TSR1: variants seen among roughly 807,000 people sequenced by gnomAD.
TSR1 encodes TSR1 ribosome maturation factor.
Under a neutral mutation model 90.9 loss-of-function variants are expected in TSR1, and 81 were observed. That is an observed-to-expected ratio of 0.89 (90% CI 0.74 to 1.07). TSR1 has a LOEUF of 1.07. Ranked by LOEUF, TSR1 falls within the 50% of genes least tolerant of loss-of-function variation. TSR1 has a pLI of 0.00. For missense variants in TSR1, 989 were observed against 987.3 expected (o/e 1.00, Z -0.02); for synonymous variants, 362 against 348.8 (o/e 1.04, Z -0.42).
chr17:2,334,417 G>A, intron 5 of TSR1, 55 bp downstream of exon 5: 1 of 1,563,534 alleles, frequency 6.4e-7, no homozygotes, highest in Non-Finnish European at 8.7e-7. Context: ...CTGAATTTAA[G>A]TTTCCTTCCT....
intron 12 of TSR1, 117 bp downstream of exon 12, chr17:2,325,187 G>T: frequency 1.3e-6 from 1 of 771,978 alleles, no homozygotes; most frequent in Non-Finnish European, 2.1e-6. Flanking sequence ...ACTGTATTTT[G>T]AAAACCATCA....
At position 2,330,698 on chromosome 17, in the gene TSR1, A is replaced by G. The variant is rs915160946; in HGVS notation, c.1660-73T>C. 8 of 1,457,786 alleles carry G rather than the reference A, an allele frequency of 5.5e-6. No individual in the cohort carries two copies. In the Admixed American group the frequency reaches 5.9e-5, roughly 11 times the overall value. The allele number at this position is 1,457,786 out of a possible 1,614,324, so 90.3% of individuals were successfully genotyped here. ...CCAATAGCGAGGAAGCTTTCTCCAA[A>G]TATGTTGAGTCTCTCAGATAAAATT... On this transcript the variant is annotated intron_variant, in intron 9 of 14. Transcript: ENST00000301364.
At chr17:2,325,846 T>C (rs1207411486) in intron 11 of TSR1, among the ~76,000 whole-genome samples, 1 of 152,112 alleles carries the variant, frequency 6.6e-6, no homozygotes, top group Non-Finnish European at 1.5e-5. Flanking sequence ...CTCCTCACCT[T>C]GTGATCCACC....
At chr17:2,325,054 C>T in intron 12 of TSR1, 1 of 602,382 alleles carries the variant, frequency 1.7e-6, no homozygotes, top group South Asian at 2.4e-5. Flanking sequence ...CATACTTTTT[C>T]TCATCAGTTG....
At position 2,336,107 on chromosome 17, in the gene TSR1, A is replaced by G; in HGVS notation, c.131T>C (p.Val44Ala). The G allele has an allele frequency of 1.2e-6, 2 of 1,613,940 alleles. No homozygotes were observed. Among genetic ancestry groups the G allele is most frequent in the Non-Finnish European group, 1.7e-6 (2 of 1,179,998 alleles). ...RLALKTLSKK[V>A]RKELSRVDQR... ...GTCGACTCTGCTGAGTTCTTTTCTC[A>G]CCTTCTTGCTTAGGGTTTTCAGTGC... Residue 44 changes from valine (V) to alanine (A), a missense_variant, in exon 2 of 15, where the codon GTG becomes GCG. Transcript: ENST00000301364.
rs1293707734 is a variant in TSR1, at chr17:2,323,736, C to G, written c.*460G>C. On this transcript the variant is annotated 3_prime_UTR_variant, in exon 15 of 15. Coordinates refer to ENST00000301364, the MANE Select transcript of TSR1 (RefSeq NM_018128.5). ...TGTTGGAGTGGCTGCTGTGCTGTCT[C>G]AACATTTTCAAACTGTTTCCCCAGA... 1.2e-6 allele frequency: 2 copies of G among 1,614,036 alleles called. No homozygotes were observed. The highest frequency in any genetic ancestry group is 1.7e-6 in the Non-Finnish European group (2 of 1,180,038).
chr17:2,334,537 C>T lies in TSR1; in HGVS notation c.916G>A (p.Gly306Arg), dbSNP rs377153477. The change falls in exon 5 of 15, where the codon GGA becomes AGA. Residue 306 changes from glycine to arginine, a missense_variant. By Grantham distance (125) the Gly-to-Arg change is moderately radical. Transcript: ENST00000301364. ...CTAGGATTTAAAGGGAAAGGGTCTC[C>T]GGGGGCATCTATCTGTTTCATCTGG... ...DFQMKQIDAP[G>R]DPFPLNPRGI... is the part of the protein sequence containing the mutation. 2.2e-5 allele frequency: 35 copies of T among 1,613,946 alleles called. No individual in the cohort carries two copies. Among genetic ancestry groups the T allele is most frequent in the African/African-American group, 1.2e-4 (9 of 74,886 alleles).
Position 2,324,051 on chromosome 17 carries a change from T to C in TSR1, c.*145A>G. 1.6e-6 allele frequency: 2 copies of C among 1,254,842 alleles called. No homozygotes were observed. The highest frequency in any genetic ancestry group is 2.3e-5 in the East Asian group (1 of 42,740). 77.7% of individuals were successfully genotyped at this position (1,254,842 alleles called of 1,614,324 possible). A position where few individuals can be genotyped will look rare whatever the true frequency, so the allele number is the denominator to read the frequency against. Reference sequence around the variant, plus strand: ...AACTTTTATACTTAACTGAGACATTTTGTCAAGGCTAAAAAAAAGTCTTGC... The same window carrying C: ...AACTTTTATACTTAACTGAGACATTCTGTCAAGGCTAAAAAAAAGTCTTGC... On this transcript the variant is annotated 3_prime_UTR_variant, in exon 15 of 15. Coordinates refer to ENST00000301364, the MANE Select transcript of TSR1 (RefSeq NM_018128.5).
In TSR1 at chr17:2,322,677, G is replaced by GT. The variant is rs11334122; in HGVS notation, c.*1518dup. The GT allele has an allele frequency of 0.013, 1,801 of 143,870 alleles. 39 individuals are homozygous for GT. The highest frequency in any genetic ancestry group is 0.04 in the African/African-American group (1,547 of 38,710). The allele number at this position is 143,870 out of a possible 1,614,324, so 8.9% of individuals were successfully genotyped here. ...CACCATGCCTGGCTAGTTTTTTTTTGTTTTTTTTTTTTGTATTTTTAGTAG... is the reference window on the plus strand; with the variant it reads ...CACCATGCCTGGCTAGTTTTTTTTTGTTTTTTTTTTTTTGTATTTTTAGTAG... On this transcript the variant is annotated 3_prime_UTR_variant, in exon 15 of 15. Transcript: ENST00000301364.
At position 2,333,680 on chromosome 17, in the gene TSR1, C is replaced by G. The variant is rs1285394485; in HGVS notation, c.1018G>C (p.Gly340Arg). 1.9e-6 allele frequency: 3 copies of G among 1,614,124 alleles called. No individual in the cohort carries two copies. The South Asian group carries it at 3.3e-5, about 18-fold the overall frequency. Residue 340 changes from glycine to arginine, a missense_variant, in exon 6 of 15, where the codon GGT (glycine) becomes CGT (arginine). Physicochemically the swap from Gly to Arg is moderately radical, Grantham distance 125. Transcript: ENST00000301364. Reference protein sequence around the residue: ...ATDAVDDMEEGLKVLMKADPG... With the variant: ...ATDAVDDMEERLKVLMKADPG... ...TCTGCCTTCATTAGGACTTTAAGAC[C>G]TTCTTCCATATCATCTACAGCATCC...
chr17:2,325,226 A>C, intron 12 of TSR1, 78 bp downstream of exon 12: 3 of 1,112,688 alleles, frequency 2.7e-6, no homozygotes, highest in Non-Finnish European at 3.9e-6. Context: ...TTGGCTCCCA[A>C]ATTTAAATAA....
chr17:2,325,323 A>G lies in TSR1; in HGVS notation c.2001T>C (p.Leu667=). 6.2e-7 allele frequency: 1 copy of G among 1,611,990 alleles called. No homozygotes were observed. The highest frequency in any genetic ancestry group is 8.5e-7 in the Non-Finnish European group (1 of 1,179,514). Residue 667 remains leucine, a synonymous_variant, in exon 12 of 15, where the codon CTT becomes CTC. Transcript: ENST00000301364. ...ACTTACCATTGCTTTTTTGCTTGAA[A>G]AGCAGCACAGATGCAGGAGGAAAAG... ...PITFPPASVL[L]FKQKSNGMHS...
chr17:2,334,995 G>C lies in TSR1; in HGVS notation c.557-99C>G, dbSNP rs1597280064. On this transcript the variant is annotated intron_variant, in intron 4 of 14. Transcript: ENST00000301364. Reference sequence around the variant, plus strand: ...ACCTAATAGCTCAGTTGCAAGCCCAGAGATCACTGGGAAGCCCAACACTGA... The same window carrying C: ...ACCTAATAGCTCAGTTGCAAGCCCACAGATCACTGGGAAGCCCAACACTGA... The C allele has an allele frequency of 6.1e-6, 8 of 1,322,104 alleles. No individual in the cohort carries two copies. The East Asian group carries it at 1.9e-4, about 31-fold the overall frequency. The allele number at this position is 1,322,104 out of a possible 1,614,324, so 81.9% of individuals were successfully genotyped here. A position where few individuals can be genotyped will look rare whatever the true frequency, so the allele number is the denominator to read the frequency against.
intron 2 of TSR1, 92 bp from the exon 3 acceptor site, chr17:2,335,822 A>C: frequency 7.0e-7 from 1 of 1,423,532 alleles, no homozygotes; most frequent in East Asian, 2.4e-5. Context: ...CCCCCTACCC[A>C]AAACCAGCAT....
chr17:2,329,910 C>T (rs1171784190), intron 10 of TSR1, among the ~76,000 whole-genome samples: 2 of 151,964 alleles, frequency 1.3e-5, no homozygotes, highest in Admixed American at 6.6e-5. Flanking sequence ...GAGATCTGCA[C>T]TTTGGCATAA....
intron 4 of TSR1, 67 bp downstream of exon 4, chr17:2,335,193 C>T (rs2064044372): frequency 6.6e-6 from 10 of 1,508,180 alleles, no homozygotes; most frequent in Admixed American, 3.8e-5. Flanking sequence ...CAGTTGTATT[C>T]CTGTATCAAA....
In TSR1 at chr17:2,323,615, C is replaced by CT. The variant is rs2075553306; in HGVS notation, c.*580dup. The CT allele has an allele frequency of 6.3e-7, 1 of 1,596,930 alleles. No homozygotes were observed. Among genetic ancestry groups the CT allele is most frequent in the Non-Finnish European group, 8.6e-7 (1 of 1,165,084 alleles). On this transcript the variant is annotated 3_prime_UTR_variant, in exon 15 of 15. Transcript: ENST00000301364. ...GAACTTTATAGGTAAACCAACTAGA[C>CT]TCCCCTTTCACTAATTCCTACTCCC...
rs1567786383 is a variant in TSR1, at chr17:2,335,526, T to C, written c.406A>G (p.Thr136Ala). 3 of 1,612,984 alleles carry C rather than the reference T, an allele frequency of 1.9e-6. No homozygotes were observed. Among genetic ancestry groups the C allele is most frequent in the Non-Finnish European group, 8.5e-7 (1 of 1,179,870 alleles). ...CPRLKHRWFF[T>A]SARPGDLHVV... ...ATACTCTAACCTGGCCTTGCTGAGGTGAAAAACCACCGATGTTTCAAGCGG... is the reference window on the plus strand; with the variant it reads ...ATACTCTAACCTGGCCTTGCTGAGGCGAAAAACCACCGATGTTTCAAGCGG... The change falls in exon 3 of 15, where the codon ACC (threonine) becomes GCC (alanine). Residue 136 changes from threonine to alanine, a missense_variant. Physicochemically the swap from Thr to Ala is moderately conservative, Grantham distance 58 (BLOSUM62 0). Transcript: ENST00000301364.
At chr17:2,332,133 C>G in intron 8 of TSR1, 36 bp downstream of exon 8, 3 of 1,592,270 alleles carry the variant, frequency 1.9e-6, no homozygotes, top group Non-Finnish European at 2.6e-6. Context: ...AACGTATTGA[C>G]TGAATTTAGA....
Sources: allele counts gnomAD v4.1 joint callset (sites outside exome capture counted in the v4.1 genomes callset), GRCh38; gene constraint gnomAD v4.1.1; transcripts MANE v1.5; gene names NCBI Gene and HGNC (gene_info 2026-07-23, HGNC 2026-07-21).